The following CDH18 variants were observed in gnomAD, a reference collection of about 807,000 sequenced individuals.
CDH18 encodes cadherin-18.
CDH18 carries 31 observed loss-of-function variants against 67.9 expected under a neutral mutation model. The observed-to-expected ratio is 0.46, with a 90% confidence interval of 0.34 to 0.62. The LOEUF is 0.62. Ranked by LOEUF, CDH18 falls within the 20% of genes least tolerant of loss-of-function variation. CDH18 has a pLI of 0.01. For missense variants in CDH18, 890 were observed against 975.5 expected (o/e 0.91, Z 1.17); for synonymous variants, 362 against 347.2 (o/e 1.04, Z -0.48).
chr5:20,564,800 CAGAA>C (rs1327643620), intron 1 of CDH18, among the ~76,000 whole-genome samples: 1 of 152,070 alleles, frequency 6.6e-6, no homozygotes, highest in Non-Finnish European at 1.5e-5. Flanking sequence ...AGAGATCTAA[CAGAA>C]AGACATTGTC....
intron 9 of CDH18, among the ~76,000 whole-genome samples, chr5:19,531,144 T>C (rs1361066126): frequency 6.6e-6 from 1 of 152,146 alleles, no homozygotes; most frequent in Admixed American, 6.5e-5. Context: ...TTTGAAAAAC[T>C]CACTAAATAC....
At chr5:19,885,958 G>A (rs1457600828) in intron 2 of CDH18, among the ~76,000 whole-genome samples, 4 of 152,172 alleles carry the variant, frequency 2.6e-5, no homozygotes, top group African/African-American at 9.7e-5. Flanking sequence ...AAATTTGAGA[G>A]TGTGTGAGAC....
chr5:19,790,033 A>G (rs1776198195), intron 3 of CDH18, among the ~76,000 whole-genome samples: 1 of 151,984 alleles, frequency 6.6e-6, no homozygotes, highest in Admixed American at 6.6e-5. Context: ...TCATACATAA[A>G]TGTCCCCACA....
chr5:20,265,557 T>C (rs1744969176), intron 1 of CDH18, among the ~76,000 whole-genome samples: 1 of 152,022 alleles, frequency 6.6e-6, no homozygotes, highest in South Asian at 2.1e-4. Context: ...AACATGGACT[T>C]AGACCAAGAC....
In CDH18 at chr5:20,388,188, A is replaced by G. The variant is rs192324592; in HGVS notation, c.-579-132683T>C. On this transcript the variant is annotated intron_variant, in intron 1 of 14. Coordinates refer to the CDH18 transcript ENST00000507958. ...TCTGGTAGAATTCGGCTGTGAATCC[A>G]TCTGGTCCTAGACTTTTTTTGGTTG... is the stretch of plus-strand genomic sequence containing the variant. Among the ~76,000 whole-genome samples the G allele has an allele frequency of 1.5e-3, 235 of 152,266 alleles. 2 individuals carry two copies. The highest frequency in any genetic ancestry group is 5.2e-3 in the African/African-American group (216 of 41,548).
chr5:19,484,048 A>G (rs570103328), intron 11 of CDH18, among the ~76,000 whole-genome samples: 1 of 152,220 alleles, frequency 6.6e-6, no homozygotes, highest in Admixed American at 6.5e-5. Context: ...GAGACAGTAG[A>G]TCAAGCAACA....
chr5:19,827,258 T>G (rs141149219), intron 3 of CDH18, among the ~76,000 whole-genome samples: 1 of 151,452 alleles, frequency 6.6e-6, no homozygotes, highest in East Asian at 1.9e-4. Flanking sequence ...ACAAAGAGAA[T>G]TGGATAACAC....
At chr5:19,989,610 C>T (rs1799866257), upstream of CDH18, among the ~76,000 whole-genome samples, 1 of 152,166 alleles carries the variant, frequency 6.6e-6, no homozygotes, top group African/African-American at 2.4e-5. Context: ...TTTCTAATTA[C>T]TCCCCTCTTT....
chr5:20,357,048 G>T (rs187879845), intron 1 of CDH18, among the ~76,000 whole-genome samples: 21 of 151,504 alleles, frequency 1.4e-4, no homozygotes, highest in African/African-American at 4.8e-4. Context: ...GAAGACATTT[G>T]ATAAGTAGTG....
At chr5:20,392,451 G>T (rs907677846) in intron 1 of CDH18, among the ~76,000 whole-genome samples, 1 of 151,486 alleles carries the variant, frequency 6.6e-6, no homozygotes, top group African/African-American at 2.4e-5. Context: ...TTTTTCTGAG[G>T]TATTTTACAT....
intron 10 of CDH18, among the ~76,000 whole-genome samples, chr5:19,517,191 C>A (rs1420793262): frequency 2.6e-5 from 4 of 152,044 alleles, no homozygotes; most frequent in Admixed American, 2.6e-4. Flanking sequence ...GTTTTAATTT[C>A]TATTTACCTA....
chr5:20,501,553 T>TAC (rs1754283903), intron 1 of CDH18, among the ~76,000 whole-genome samples: 1 of 17,578 alleles, frequency 5.7e-5, no homozygotes, highest in South Asian at 2.9e-3. Flanking sequence ...ATATTATATA[T>TAC]ATAATATATA....
At chr5:20,362,160 T>C (rs1742140815) in intron 1 of CDH18, among the ~76,000 whole-genome samples, 1 of 152,168 alleles carries the variant, frequency 6.6e-6, no homozygotes, top group Non-Finnish European at 1.5e-5. Flanking sequence ...AATTCAACTT[T>C]CCTGTTTGGT....
At chr5:20,515,685 A>T (rs1755326061) in intron 1 of CDH18, among the ~76,000 whole-genome samples, 2 of 152,040 alleles carry the variant, frequency 1.3e-5, no homozygotes, top group Non-Finnish European at 2.9e-5. Context: ...CTGCCTTTGA[A>T]CTTCTATTCA....
At chr5:19,625,558 T>C (rs996916469) in intron 5 of CDH18, among the ~76,000 whole-genome samples, 1 of 152,128 alleles carries the variant, frequency 6.6e-6, no homozygotes, top group African/African-American at 2.4e-5. Flanking sequence ...CAGTATGGGA[T>C]TGCTCGGTCC....
chr5:20,490,729 G>A (rs1202204956), intron 1 of CDH18, among the ~76,000 whole-genome samples: 1 of 151,890 alleles, frequency 6.6e-6, no homozygotes, highest in Non-Finnish European at 1.5e-5. Context: ...CTTGGATTTG[G>A]GCAAATTATT....
chr5:20,101,243 T>G (rs113999634), intron 2 of CDH18, among the ~76,000 whole-genome samples: 1 of 152,178 alleles, frequency 6.6e-6, no homozygotes, highest in African/African-American at 2.4e-5. Context: ...ATTACAGGCA[T>G]GAGCCACCAC....
Position 19,938,471 on chromosome 5 carries a change from T to C in CDH18, c.-257+42589A>G, listed in dbSNP as rs574799517. Reference sequence around the variant, plus strand: ...GCACTCCATAACCCAATAAGGTACATACATTTATAATCTCATTTTATAGCT... The same window carrying C: ...GCACTCCATAACCCAATAAGGTACACACATTTATAATCTCATTTTATAGCT... On this transcript the variant is annotated intron_variant, in intron 2 of 12. Transcript: ENST00000382275. 2.0e-5 allele frequency among the ~76,000 whole-genome samples: 3 copies of C among 151,662 alleles called. No homozygotes were observed. The East Asian group carries it at 5.8e-4, about 29-fold the overall frequency.
chr5:20,249,190 GC>G (rs1176503777), intron 2 of CDH18, among the ~76,000 whole-genome samples: 1 of 152,012 alleles, frequency 6.6e-6, no homozygotes, highest in Non-Finnish European at 1.5e-5. Flanking sequence ...ATGTGATCAA[GC>G]AAAATTCATT....
Sources: allele counts gnomAD v4.1 joint callset (sites outside exome capture counted in the v4.1 genomes callset), GRCh38; gene constraint gnomAD v4.1.1; transcripts MANE v1.5; gene names NCBI Gene and HGNC (gene_info 2026-07-23, HGNC 2026-07-21).